Variants in EPGN observed in about 807,000 individuals in gnomAD.
The protein encoded by EPGN is epithelial mitogen.
In EPGN, 21 loss-of-function variants were observed where a neutral mutation model predicts 20.7. The observed-to-expected ratio is 1.01, with a 90% CI of 0.72 to 1.46. EPGN has a LOEUF of 1.46. Among genes scored for constraint, EPGN ranks in the 40% most tolerant of loss-of-function variants. EPGN has a pLI of 0.00. For synonymous variants in EPGN, 69 were observed against 63.8 expected (o/e 1.08, Z -0.39); for missense variants, 199 against 180.7 (o/e 1.10, Z -0.58).
At chr4:74,314,536 T>G (rs1751172258) in intron 4 of EPGN, 44 bp from the exon 5 acceptor site, 8 of 1,528,890 alleles carry the variant, frequency 5.2e-6, no homozygotes, top group Non-Finnish European at 6.1e-6. Flanking sequence ...ATGACCTATA[T>G]GAACCACAGT....
chr4:74,308,648 T>G, intron 1 of EPGN, 72 bp downstream of exon 1: 2 of 1,331,228 alleles, frequency 1.5e-6, no homozygotes, highest in African/African-American at 1.5e-5. Context: ...TTTCTCTGCA[T>G]TAGAGAGAAG....
chr4:74,312,271 G>A lies in EPGN; in HGVS notation c.220G>A (p.Ala74Thr). ...HNSYCINGAC[A>T]FHHELEKAIC... ...CAGTTACTGCATCAACGGTGCTTGT[G>A]CATTCCACCATGAGCTAGAGAAAGC... The change falls in exon 3 of 5, where the codon GCA becomes ACA. Residue 74 changes from alanine (A) to threonine (T), a missense_variant. Ala to Thr is a moderately conservative substitution (Grantham distance 58). Transcript: ENST00000413830. The A allele has an allele frequency of 1.9e-6, 3 of 1,612,874 alleles. No individual in the cohort carries two copies. Among genetic ancestry groups the A allele is most frequent in the African/African-American group, 1.3e-5 (1 of 74,954 alleles).
chr4:74,309,079 C>A lies in EPGN; in HGVS notation c.44-14C>A. 2 of 1,604,094 alleles carry A rather than the reference C, an allele frequency of 1.2e-6. No homozygotes were observed. The highest frequency in any genetic ancestry group is 1.7e-6 in the Non-Finnish European group (2 of 1,172,978). On this transcript the variant is annotated splice_polypyrimidine_tract_variant and intron_variant, in intron 1 of 4. Transcript: ENST00000413830. Reference sequence around the variant, plus strand: ...AGGCTCTCTGTTAAAGATGCTTTTGCCCCCTTAATACAGCAATGACAGCAC... The same window carrying A: ...AGGCTCTCTGTTAAAGATGCTTTTGACCCCTTAATACAGCAATGACAGCAC...
chr4:74,312,654 T>C (rs951338919), intron 3 of EPGN, among the ~76,000 whole-genome samples: 1 of 152,150 alleles, frequency 6.6e-6, no homozygotes, highest in African/African-American at 2.4e-5. Context: ...CAGGATGAAA[T>C]GAAGCAAACT....
intron 2 of EPGN, 87 bp downstream of exon 2, chr4:74,309,269 T>C: frequency 1.1e-6 from 1 of 910,688 alleles, no homozygotes; most frequent in Non-Finnish European, 1.7e-6. Context: ...ATATTGGCCA[T>C]TTTTAATATA....
Position 74,309,073 on chromosome 4 carries a change from CT to C in EPGN, c.44-16del. On this transcript the variant is annotated intron_variant, in intron 1 of 4. Coordinates refer to ENST00000413830, the MANE Select transcript of EPGN (RefSeq NM_001270989.2). ...AGAAGGAGGCTCTCTGTTAAAGATG[CT>C]TTTGCCCCCTTAATACAGCAATGAC... 6.3e-7 allele frequency: 1 copy of C among 1,595,374 alleles called. No individual in the cohort carries two copies. The highest frequency in any genetic ancestry group is 8.6e-7 in the Non-Finnish European group (1 of 1,165,160).
intron 1 of EPGN, 39 bp downstream of exon 1, chr4:74,308,615 T>C: frequency 6.5e-7 from 1 of 1,535,094 alleles, no homozygotes; most frequent in East Asian, 2.3e-5. Flanking sequence ...TTTATATCAG[T>C]GTAAAATGTG....
rs944883120 is a variant in EPGN at position 74,316,471 on chromosome 4, A to G, written c.*1834A>G. ...AAATTATAACTTTTCATTCATTCCT[A>G]AACCAAACTTAAAATTCTGCTTTCC... On this transcript the variant is annotated 3_prime_UTR_variant, in exon 5 of 5. Transcript: ENST00000413830. 7.9e-5 allele frequency among the ~76,000 whole-genome samples: 12 copies of G among 152,228 alleles called. No individual in the cohort carries two copies. The highest frequency in any genetic ancestry group is 6.5e-4 in the Admixed American group (10 of 15,282).
At chr4:74,312,361 T>C (rs1751018537) in intron 3 of EPGN, 56 bp downstream of exon 3, 1 of 1,556,764 alleles carries the variant, frequency 6.4e-7, no homozygotes, top group African/African-American at 1.4e-5. Context: ...TATGTCTCTG[T>C]TGTTTCATAT....
rs1335587499 is a variant in EPGN at position 74,308,573 on chromosome 4, A to G, written c.40A>G (p.Asn14Asp). The G allele has an allele frequency of 1.2e-6, 2 of 1,609,078 alleles. No individual in the cohort carries two copies. ...GVPISVYLLF[N>D]AMTALTEEAA... ...TCCAATATCAGTCTATCTTTTATTC[A>G]ACGGTAGGTAATTTCCTTTTGTTTT... Residue 14 changes from asparagine (N) to aspartate (D), a missense_variant, in exon 1 of 5, where the codon AAC becomes GAC. Transcript: ENST00000413830.
At chr4:74,309,619 T>A (rs1305041956) in intron 2 of EPGN, among the ~76,000 whole-genome samples, 1 of 152,212 alleles carries the variant, frequency 6.6e-6, no homozygotes, top group Non-Finnish European at 1.5e-5. Context: ...AATGACCTTT[T>A]TTTCTTGTTT....
chr4:74,308,969 G>A (rs2110346323), intron 1 of EPGN, 124 bp from the exon 2 acceptor site: 1 of 732,024 alleles, frequency 1.4e-6, no homozygotes, highest in Non-Finnish European at 2.3e-6. Context: ...TCACGTTATG[G>A]ATTTCAACTG....
intron 3 of EPGN, 38 bp from the exon 4 acceptor site, chr4:74,312,980 G>A (rs186759964): frequency 5.3e-5 from 77 of 1,466,486 alleles, no homozygotes; most frequent in South Asian, 4.4e-4. Flanking sequence ...TTCTACCACC[G>A]TAGGTTTTAA....
intron 1 of EPGN, 81 bp downstream of exon 1, chr4:74,308,657 A>G (rs1750691436): frequency 1.6e-6 from 2 of 1,249,042 alleles, no homozygotes; most frequent in Non-Finnish European, 2.3e-6. Flanking sequence ...ATTAGAGAGA[A>G]GTTGGCTTCT....
chr4:74,316,373 T>C lies in EPGN; in HGVS notation c.*1736T>C, dbSNP rs1322290649. Among the ~76,000 whole-genome samples the C allele has an allele frequency of 1.3e-5, 2 of 152,208 alleles. No individual in the cohort carries two copies. The highest frequency in any genetic ancestry group is 2.9e-5 in the Non-Finnish European group (2 of 68,032). Reference sequence around the variant, plus strand: ...TAGATAAGCAAGACAATTTTGATCATGAGTGGTGAAAAGAGGATCAAACTT... The same window carrying C: ...TAGATAAGCAAGACAATTTTGATCACGAGTGGTGAAAAGAGGATCAAACTT... On this transcript the variant is annotated 3_prime_UTR_variant, in exon 5 of 5. Transcript: ENST00000413830.
intron 3 of EPGN, among the ~76,000 whole-genome samples, 158 bp from the exon 4 acceptor site, chr4:74,312,860 G>T (rs1053139118): frequency 2.6e-5 from 4 of 152,098 alleles, no homozygotes; most frequent in African/African-American, 9.7e-5. Context: ...AAAATTCATA[G>T]CTGCTTCATT....
At chr4:74,313,936 A>G (rs990398341) in intron 4 of EPGN, among the ~76,000 whole-genome samples, 2 of 152,202 alleles carry the variant, frequency 1.3e-5, no homozygotes, top group Non-Finnish European at 2.9e-5. Flanking sequence ...AGAGAATCAA[A>G]TCTATATTAT....
Position 74,315,341 on chromosome 4 carries a change from T to C in EPGN, c.*704T>C, listed in dbSNP as rs987356896. The C allele has an allele frequency of 3.3e-5, 5 of 152,144 alleles. No homozygotes were observed. Among genetic ancestry groups the C allele is most frequent in the Non-Finnish European group, 7.3e-5 (5 of 68,028 alleles). 9.4% of individuals were successfully genotyped at this position (152,144 alleles called of 1,614,324 possible). ...AGCTATCTGGATATCAAGTCTGGAGTAGGCAAAGCATTTCCATTTCTACAT... is the reference window on the plus strand; with the variant it reads ...AGCTATCTGGATATCAAGTCTGGAGCAGGCAAAGCATTTCCATTTCTACAT... On this transcript the variant is annotated 3_prime_UTR_variant, in exon 5 of 5. Transcript: ENST00000413830.
At chr4:74,309,006 A>T in intron 1 of EPGN, 87 bp from the exon 2 acceptor site, 1 of 983,908 alleles carries the variant, frequency 1.0e-6, no homozygotes, top group Non-Finnish European at 1.6e-6. Flanking sequence ...TAGAAATTGG[A>T]ATAAACAGAA....
Sources: gnomAD v4.1 joint callset for allele counts (sites outside exome capture counted in the v4.1 genomes callset) on GRCh38, gnomAD v4.1.1 for gene constraint, MANE v1.5 for transcripts, NCBI Gene and HGNC (gene_info 2026-07-23, HGNC 2026-07-21) for gene names.